Variants in DOCK3 observed in about 807,000 individuals in gnomAD.
DOCK3 encodes the protein dedicator of cytokinesis protein 3.
A neutral mutation model predicts 265.6 loss-of-function variants in DOCK3; 60 were observed. That is an observed-to-expected ratio of 0.23 (90% CI 0.18 to 0.28). The LOEUF is 0.28. Ranked by LOEUF, DOCK3 falls within the 10% of genes least tolerant of loss-of-function variation. The pLI, the probability that DOCK3 is intolerant of heterozygous loss-of-function variation, is 1.00. For missense variants in DOCK3, 1,981 were observed against 2,594.3 expected (o/e 0.76, Z 5.14); for synonymous variants, 881 against 938.0 (o/e 0.94, Z 1.11).
At position 51,309,096 on chromosome 3, in the gene DOCK3, C is replaced by T. The variant is rs372542659; in HGVS notation, c.2923-1136C>T. ...GCGGGCAGAGACGCTCCTCACTTTC[C>T]AGACTGCGCAGCCAGGCAGAGGGGC... is the stretch of plus-strand genomic sequence containing the variant. On this transcript the variant is annotated intron_variant, in intron 27 of 52. Transcript: ENST00000266037. 9.3e-5 allele frequency among the ~76,000 whole-genome samples: 14 copies of T among 151,176 alleles called. No individual in the cohort carries two copies. The East Asian group carries it at 9.8e-4, about 11-fold the overall frequency.
At chr3:50,989,923 G>C (rs1281973536) in intron 5 of DOCK3, among the ~76,000 whole-genome samples, 2 of 152,168 alleles carry the variant, frequency 1.3e-5, no homozygotes, top group African/African-American at 4.8e-5. Context: ...TGATACAGGA[G>C]CTGAAGGACA....
intron 40 of DOCK3, among the ~76,000 whole-genome samples, chr3:51,351,170 A>G (rs1485338372): frequency 2.6e-5 from 4 of 152,244 alleles, no homozygotes; most frequent in Non-Finnish European, 5.9e-5. Context: ...TTCTCAGATG[A>G]TCTAAATGAA....
At chr3:50,744,934 T>C (rs1351169601) in intron 1 of DOCK3, among the ~76,000 whole-genome samples, 2 of 152,214 alleles carry the variant, frequency 1.3e-5, no homozygotes, top group Non-Finnish European at 2.9e-5. Context: ...TCTACCCTTA[T>C]GTTAGTATCA....
At chr3:51,186,691 C>G (rs536505005) in intron 12 of DOCK3, among the ~76,000 whole-genome samples, 1 of 152,160 alleles carries the variant, frequency 6.6e-6, no homozygotes, top group East Asian at 1.9e-4. Flanking sequence ...GGGCACCTAG[C>G]CTTGGTGCCC....
At position 50,999,676 on chromosome 3, in the gene DOCK3, A is replaced by G. The variant is rs78845663; in HGVS notation, c.316-64772A>G. ...ATTTTGGTGTTCAATAGGAATCTCAAACTCAACATGTGCAAAAAAAAGGCT... is the reference window on the plus strand; with the variant it reads ...ATTTTGGTGTTCAATAGGAATCTCAGACTCAACATGTGCAAAAAAAAGGCT... On this transcript the variant is annotated intron_variant, in intron 5 of 52. Transcript: ENST00000266037. Among the ~76,000 whole-genome samples, 5 of 152,232 alleles carry G rather than the reference A, an allele frequency of 3.3e-5. No individual in the cohort carries two copies. The East Asian group carries it at 9.7e-4, about 29-fold the overall frequency.
intron 1 of DOCK3, among the ~76,000 whole-genome samples, chr3:50,692,102 G>A (rs2107745771): frequency 1.3e-5 from 2 of 151,938 alleles, no homozygotes; most frequent in Admixed American, 1.3e-4. Context: ...ATTTTTTAGA[G>A]GTAATAGTCT....
intron 5 of DOCK3, among the ~76,000 whole-genome samples, chr3:50,979,365 A>G (rs371306569): frequency 3.3e-5 from 5 of 152,146 alleles, no homozygotes; most frequent in African/African-American, 9.7e-5. Context: ...ATGTTATCCC[A>G]ATATTGGAGA....
intron 14 of DOCK3, among the ~76,000 whole-genome samples, chr3:51,216,738 G>A (rs1455960571): frequency 2.0e-5 from 3 of 152,170 alleles, no homozygotes; most frequent in African/African-American, 7.2e-5. Context: ...TGTACCTGCA[G>A]GTCCTATTGG....
rs758525355 is a variant in DOCK3, at chr3:51,362,011, C to CTGTCCTGT, written c.5145+14_5145+15insTGTCCTGT. On this transcript the variant is annotated intron_variant, in intron 48 of 52. Transcript: ENST00000266037. ...CACCACATGCAGGTACAGAGCTGTCCACGGAGAGTGGGCCAGGGCACCATG... is the reference window on the plus strand; with the variant it reads ...CACCACATGCAGGTACAGAGCTGTCCTGTCCTGTACGGAGAGTGGGCCAGGGCACCATG... The CTGTCCTGT allele has an allele frequency of 6.3e-7, 1 of 1,598,024 alleles. No homozygotes were observed. Among genetic ancestry groups the CTGTCCTGT allele is most frequent in the Non-Finnish European group, 8.5e-7 (1 of 1,172,054 alleles).
At chr3:51,311,865 T>C in intron 28 of DOCK3, 139 bp from the exon 29 acceptor site, 2 of 582,750 alleles carry the variant, frequency 3.4e-6, no homozygotes, top group African/African-American at 1.9e-5. Context: ...CCATTTTCTC[T>C]TTCCTTTATA....
chr3:51,214,591 T>C (rs2089679450), intron 14 of DOCK3, among the ~76,000 whole-genome samples: 1 of 152,224 alleles, frequency 6.6e-6, no homozygotes, highest in Non-Finnish European at 1.5e-5. Context: ...TTTCTTAGAA[T>C]ATAATTGTCT....
At chr3:50,904,980 G>T (rs1411336044) in intron 4 of DOCK3, among the ~76,000 whole-genome samples, 1 of 152,030 alleles carries the variant, frequency 6.6e-6, no homozygotes, top group Non-Finnish European at 1.5e-5. Flanking sequence ...TTCTACATAT[G>T]GCTAGCCAGT....
intron 5 of DOCK3, among the ~76,000 whole-genome samples, chr3:50,987,596 A>C (rs1387417011): frequency 6.6e-6 from 1 of 152,228 alleles, no homozygotes; most frequent in African/African-American, 2.4e-5. Context: ...TGGCTCTCAC[A>C]GAAAGGAATG....
At chr3:51,197,706 G>A (rs989810988) in intron 12 of DOCK3, among the ~76,000 whole-genome samples, 31 of 152,196 alleles carry the variant, frequency 2.0e-4, no homozygotes, top group African/African-American at 7.0e-4. Flanking sequence ...AGGGCACTCC[G>A]CAGGCCCCAG....
chr3:51,141,894 T>TAC (rs547817428), intron 9 of DOCK3, among the ~76,000 whole-genome samples: 56 of 152,296 alleles, frequency 3.7e-4, no homozygotes, highest in Admixed American at 3.1e-3. Context: ...CACAGCTGTC[T>TAC]TTTCTACCTT....
chr3:51,144,788 A>T (rs535320526), intron 9 of DOCK3, among the ~76,000 whole-genome samples: 1 of 152,336 alleles, frequency 6.6e-6, no homozygotes, highest in South Asian at 2.1e-4. Context: ...CTTAATAACA[A>T]TTTGTAGACG....
At chr3:51,059,839 C>T (rs2081347696) in intron 5 of DOCK3, among the ~76,000 whole-genome samples, 1 of 152,066 alleles carries the variant, frequency 6.6e-6, no homozygotes, top group Non-Finnish European at 1.5e-5. Flanking sequence ...AAACCCTCCC[C>T]TTTTTTCCCC....
chr3:51,115,125 A>G (rs943236611), intron 9 of DOCK3, among the ~76,000 whole-genome samples: 1 of 152,162 alleles, frequency 6.6e-6, no homozygotes, highest in African/African-American at 2.4e-5. Flanking sequence ...GTGTCTTTAT[A>G]GTAGAATGAT....
chr3:51,301,768 C>A (rs911050813), intron 27 of DOCK3, among the ~76,000 whole-genome samples: 1 of 152,108 alleles, frequency 6.6e-6, no homozygotes, highest in Non-Finnish European at 1.5e-5. Flanking sequence ...ATCTTGAGTT[C>A]TAATTGATAG....
Sources: gnomAD v4.1 joint callset for allele counts (sites outside exome capture counted in the v4.1 genomes callset) on GRCh38, gnomAD v4.1.1 for gene constraint, MANE v1.5 for transcripts, NCBI Gene and HGNC (gene_info 2026-07-23, HGNC 2026-07-21) for gene names.